The following LINGO2 variants were observed in gnomAD, a reference collection of about 807,000 sequenced individuals.
The protein encoded by LINGO2 is leucine-rich repeat and immunoglobulin-like domain-containing nogo receptor-interacting protein 2.
LINGO2 carries 14 observed loss-of-function variants against 30.6 expected under a neutral mutation model. The observed-to-expected ratio is 0.46, with a 90% confidence interval of 0.30 to 0.72. The LOEUF is 0.72. Among genes scored for constraint, LINGO2 ranks in the 30% least tolerant of loss-of-function variants. The probability of loss-of-function intolerance (pLI) is 0.07; values close to 1 mark genes in which losing one functional copy is unlikely to be tolerated. For synonymous variants in LINGO2, 317 were observed against 288.5 expected, an observed-to-expected ratio of 1.10 and a Z score of -1.00; for missense variants, 729 against 751.7, an observed-to-expected ratio of 0.97 and a Z score of 0.35.
chr9:28,879,931 T>G, the LINGO2 span, among the ~76,000 whole-genome samples: 1 of 152,222 alleles, frequency 6.6e-6, no homozygotes, highest in Admixed American at 6.6e-5. Context: ...CTAAATTTCT[T>G]TGAGCTACCA....
chr9:28,243,104 T>C (rs898840431), intron 4 of LINGO2, among the ~76,000 whole-genome samples: 8 of 152,000 alleles, frequency 5.3e-5, no homozygotes, highest in Admixed American at 2.0e-4. Context: ...GATAACAGAA[T>C]CAAATTCACA....
chr9:28,612,727 G>C (rs895534718), intron 1 of LINGO2, among the ~76,000 whole-genome samples: 4 of 152,114 alleles, frequency 2.6e-5, no homozygotes, highest in African/African-American at 9.7e-5. Context: ...TCTCAGATGA[G>C]ACTTTGGACT....
chr9:28,402,278 TC>T (rs2134751249), intron 2 of LINGO2, among the ~76,000 whole-genome samples: 1 of 152,288 alleles, frequency 6.6e-6, no homozygotes, highest in East Asian at 1.9e-4. Context: ...TATTTGTATT[TC>T]CTCTCTCTTT....
intron 4 of LINGO2, among the ~76,000 whole-genome samples, chr9:28,089,040 T>C (rs901189725): frequency 9.8e-5 from 15 of 152,290 alleles, no homozygotes; most frequent in African/African-American, 3.6e-4. Flanking sequence ...ATGCACCCAA[T>C]GCAGGAGCAC....
the LINGO2 span, among the ~76,000 whole-genome samples, chr9:28,692,353 T>A: frequency 5.9e-3 from 893 of 152,100 alleles, 10 homozygotes; most frequent in African/African-American, 0.021. Flanking sequence ...TGTGCACCTG[T>A]AATCCCAGCC....
At chr9:28,282,963 C>A (rs1391394395) in intron 4 of LINGO2, among the ~76,000 whole-genome samples, 2 of 152,102 alleles carry the variant, frequency 1.3e-5, no homozygotes, top group African/African-American at 4.8e-5. Flanking sequence ...GGCAGGTAAA[C>A]CTAAACTCTT....
intron 1 of LINGO2, among the ~76,000 whole-genome samples, chr9:28,664,981 T>A (rs1299679371): frequency 1.7e-4 from 21 of 126,188 alleles, no homozygotes; most frequent in Admixed American, 1.7e-4. Flanking sequence ...TCTGTATTAT[T>A]TATGTATGTG....
the LINGO2 span, among the ~76,000 whole-genome samples, chr9:28,708,687 C>G: frequency 1.6e-4 from 24 of 151,994 alleles, no homozygotes; most frequent in Admixed American, 1.6e-3. Context: ...GTGTAGCTTC[C>G]TTTGCCTCAG....
the LINGO2 span, among the ~76,000 whole-genome samples, chr9:28,726,882 TC>T: frequency 6.6e-6 from 1 of 152,178 alleles, no homozygotes; most frequent in Non-Finnish European, 1.5e-5. Context: ...TATACCCTTT[TC>T]TCCAACTTAC....
At chr9:29,201,840 G>A in the LINGO2 span, among the ~76,000 whole-genome samples, 3 of 151,934 alleles carry the variant, frequency 2.0e-5, no homozygotes, top group Non-Finnish European at 4.4e-5. Context: ...CCAGAAAAGT[G>A]TTTTTCACCC....
the LINGO2 span, among the ~76,000 whole-genome samples, chr9:28,914,734 T>A: frequency 6.6e-6 from 1 of 152,196 alleles, no homozygotes; most frequent in Non-Finnish European, 1.5e-5. Context: ...TATCTTCCAG[T>A]GTCCTGGAAC....
At chr9:28,601,577 C>T (rs75878442) in intron 1 of LINGO2, among the ~76,000 whole-genome samples, 9,246 of 151,772 alleles carry the variant, frequency 0.061, 400 homozygotes, top group East Asian at 0.13. Flanking sequence ...GCACAATTAG[C>T]ATCTTATTAT....
intron 2 of LINGO2, among the ~76,000 whole-genome samples, chr9:28,430,109 C>CACGTGTGTGTGTGTGTGTGT (rs1554720107): frequency 3.7e-5 from 5 of 136,204 alleles, no homozygotes; most frequent in African/African-American, 1.3e-4. Context: ...CGCGCGCGCG[C>CACGTGTGTGTGTGTGTGTGT]GTGTGTGTGT....
At chr9:28,162,671 G>A (rs1216212673) in intron 4 of LINGO2, among the ~76,000 whole-genome samples, 2 of 152,048 alleles carry the variant, frequency 1.3e-5, no homozygotes, top group African/African-American at 2.4e-5. Context: ...TTTATATTTT[G>A]TACTAATTAT....
At position 28,172,024 on chromosome 9, in the gene LINGO2, A is replaced by AC. The variant is rs1370199837; in HGVS notation, c.-87+123183_-87+123184insG. Among the ~76,000 whole-genome samples the AC allele has an allele frequency of 8.6e-4, 79 of 92,196 alleles. 2 individuals carry two copies. The South Asian group carries it at 9.6e-3, about 11-fold the overall frequency. The allele number at this position is 92,196 out of a possible 152,430, so 60.5% of individuals were successfully genotyped here. ...AGAGCAAGACTCCGTCTCAAAAAAAAAAAAAAAAACAAAAAAAAAAACCCA... is the reference window on the plus strand; with the variant it reads ...AGAGCAAGACTCCGTCTCAAAAAAAACAAAAAAAAACAAAAAAAAAAACCCA... On this transcript the variant is annotated intron_variant, in intron 4 of 5. Coordinates refer to ENST00000379992, the Ensembl canonical transcript of LINGO2.
At chr9:28,026,324 G>A (rs745589134) in intron 4 of LINGO2, among the ~76,000 whole-genome samples, 37 of 152,060 alleles carry the variant, frequency 2.4e-4, no homozygotes, top group Non-Finnish European at 3.5e-4. Context: ...TCCACCTAAG[G>A]CATAATAGAT....
chr9:29,101,550 T>C, the LINGO2 span, among the ~76,000 whole-genome samples: 2 of 152,136 alleles, frequency 1.3e-5, no homozygotes, highest in Admixed American at 6.5e-5. Flanking sequence ...CCCCGTGTAG[T>C]GTCTTCTCAC....
intron 4 of LINGO2, among the ~76,000 whole-genome samples, chr9:28,082,625 A>G (rs1825804101): frequency 6.6e-6 from 1 of 152,198 alleles, no homozygotes; most frequent in East Asian, 1.9e-4. Flanking sequence ...TTTCAAAGCC[A>G]TAATTAGTTT....
intron 5 of LINGO2, among the ~76,000 whole-genome samples, chr9:27,992,733 GTT>G (rs1377518939): frequency 3.3e-5 from 5 of 152,058 alleles, no homozygotes; most frequent in African/African-American, 1.2e-4. Context: ...TTTCTGGTTG[GTT>G]TTCTCTTTTT....
Sources: gnomAD v4.1 joint callset for allele counts (sites outside exome capture counted in the v4.1 genomes callset) on GRCh38, gnomAD v4.1.1 for gene constraint, MANE v1.5 for transcripts, NCBI Gene and HGNC (gene_info 2026-07-23, HGNC 2026-07-21) for gene names.